RAB11FIP3: variants seen among roughly 807,000 people sequenced by gnomAD.
RAB11FIP3 encodes RAB11 family interacting protein 3, also known as rab11 family-interacting protein 3.
Under a neutral mutation model 77.8 loss-of-function variants are expected in RAB11FIP3, and 17 were observed. That is an observed-to-expected ratio of 0.22 (90% confidence interval 0.15 to 0.33). RAB11FIP3 has a LOEUF of 0.33. RAB11FIP3 is among the 10% of genes least tolerant of loss of function. RAB11FIP3 has a pLI of 1.00. For missense variants in RAB11FIP3, 1,005 were observed against 1,011.2 expected, an observed-to-expected ratio of 0.99 and a Z score of 0.08; for synonymous variants, 437 against 448.2, an observed-to-expected ratio of 0.98 and a Z score of 0.31.
intron 12 of RAB11FIP3, 21 bp from the exon 13 acceptor site, chr16:520,438 G>C: frequency 6.2e-7 from 1 of 1,612,740 alleles, no homozygotes; most frequent in Non-Finnish European, 8.5e-7. Context: ...CAGCCCAGTA[G>C]TGATGTTGCT....
intron 1 of RAB11FIP3, among the ~76,000 whole-genome samples, chr16:441,356 C>T (rs112066361): frequency 8.5e-5 from 13 of 152,176 alleles, no homozygotes; most frequent in African/African-American, 3.1e-4. Context: ...TAAACAAACC[C>T]ATGCTCTAGG....
chr16:494,785 C>T (rs906510677), intron 5 of RAB11FIP3, among the ~76,000 whole-genome samples: 12 of 152,300 alleles, frequency 7.9e-5, no homozygotes, highest in African/African-American at 2.6e-4. Flanking sequence ...TCACATGAGC[C>T]GGGGAGGTCG....
chr16:490,378 G>T (rs976211144), intron 5 of RAB11FIP3, among the ~76,000 whole-genome samples: 1 of 152,196 alleles, frequency 6.6e-6, no homozygotes, highest in African/African-American at 2.4e-5. Flanking sequence ...CTTTTTGGGG[G>T]TTTTTTGAGA....
chr16:493,847 C>T (rs1450802545), intron 5 of RAB11FIP3, among the ~76,000 whole-genome samples: 1 of 147,320 alleles, frequency 6.8e-6, no homozygotes, highest in Non-Finnish European at 1.5e-5. Context: ...CCGCCTTGAC[C>T]CCCCAAAGTG....
At position 514,159 on chromosome 16, in the gene RAB11FIP3, C is replaced by T. The variant is rs1007118108; in HGVS notation, c.1640+3359C>T. Among the ~76,000 whole-genome samples, 1 of 152,128 alleles carries T rather than the reference C, an allele frequency of 6.6e-6. No individual in the cohort carries two copies. Among genetic ancestry groups the T allele is most frequent in the Non-Finnish European group, 1.5e-5 (1 of 68,032 alleles). On this transcript the variant is annotated intron_variant, in intron 9 of 13. Transcript: ENST00000262305. This position sits in a 1 kb window ranked among gnomAD's most constrained non-coding sequence, Gnocchi z 4.6. ...CGCTTGGGGTCAGTGCCACCGTGTTCTGGGCCTCCTGCAGCTTCCTGGAGT... is the reference window on the plus strand; with the variant it reads ...CGCTTGGGGTCAGTGCCACCGTGTTTTGGGCCTCCTGCAGCTTCCTGGAGT...
At chr16:428,644 G>A (rs763449802) in intron 1 of RAB11FIP3, among the ~76,000 whole-genome samples, 2 of 152,130 alleles carry the variant, frequency 1.3e-5, no homozygotes, top group Non-Finnish European at 2.9e-5. Flanking sequence ...CTCTCCCAAG[G>A]TCTCACAGGA....
At chr16:496,402 C>T (rs532248719) in intron 5 of RAB11FIP3, among the ~76,000 whole-genome samples, 70 of 152,362 alleles carry the variant, frequency 4.6e-4, no homozygotes, top group African/African-American at 1.6e-3. Context: ...GCATCAGTGC[C>T]TGAGTCGAAG....
intron 2 of RAB11FIP3, among the ~76,000 whole-genome samples, chr16:463,733 C>T (rs560180543): frequency 1.4e-3 from 212 of 152,254 alleles, no homozygotes; most frequent in Non-Finnish European, 2.4e-3. Flanking sequence ...CCACTGCGCC[C>T]GGCCTGTTCC....
Position 426,767 on chromosome 16 carries a change from C to T in RAB11FIP3, c.714+47C>T. 7.0e-7 allele frequency: 1 copy of T among 1,430,034 alleles called. No individual in the cohort carries two copies. Among genetic ancestry groups the T allele is most frequent in the Non-Finnish European group, 9.2e-7 (1 of 1,081,422 alleles). The allele number at this position is 1,430,034 out of a possible 1,614,324, so 88.6% of individuals were successfully genotyped here. On this transcript the variant is annotated intron_variant, in intron 1 of 13. Transcript: ENST00000262305. This position sits in a 1 kb window ranked among gnomAD's most constrained non-coding sequence, Gnocchi z 5.0. Reference sequence around the variant, plus strand: ...GGCGTGGGAACTGGGCAGGTGCGCGCTGGCCGGCGGGGTTGATGTGGGACC... The same window carrying T: ...GGCGTGGGAACTGGGCAGGTGCGCGTTGGCCGGCGGGGTTGATGTGGGACC...
intron 5 of RAB11FIP3, among the ~76,000 whole-genome samples, chr16:492,360 T>TCCC: frequency 3.9e-5 from 1 of 25,628 alleles, no homozygotes; most frequent in East Asian, 9.5e-4. Flanking sequence ...TTGAAGAGGG[T>TCCC]CTTCCCGGGA....
chr16:446,730 C>G (rs1390047500), intron 1 of RAB11FIP3, among the ~76,000 whole-genome samples: 1 of 152,060 alleles, frequency 6.6e-6, no homozygotes, highest in African/African-American at 2.4e-5. Flanking sequence ...CACTCTCGCT[C>G]TGTCGCCCAG....
chr16:441,508 A>C (rs1230290211), intron 1 of RAB11FIP3, among the ~76,000 whole-genome samples: 1 of 152,156 alleles, frequency 6.6e-6, no homozygotes, highest in Non-Finnish European at 1.5e-5. Context: ...CCAGTGATGA[A>C]AATTAATTAT....
intron 5 of RAB11FIP3, among the ~76,000 whole-genome samples, chr16:492,112 G>A (rs1035308661): frequency 3.1e-4 from 47 of 152,328 alleles, no homozygotes; most frequent in African/African-American, 1.0e-3. Flanking sequence ...GGCTTCTGCC[G>A]AGGCACATCC....
At chr16:497,231 G>C in intron 6 of RAB11FIP3, 1 of 1,289,954 alleles carries the variant, frequency 7.8e-7, no homozygotes, top group Non-Finnish European at 1.0e-6. Flanking sequence ...TCCCCAAGGT[G>C]AGTCGAAGGT....
rs151177789 is a variant in RAB11FIP3, at chr16:489,047, G to A, written c.1265+47G>A. ...ACACCCTCCTCCCTCTTCTTCCCGT[G>A]GTTAGTAGTGGGAAGTTTCCCTTTT... On this transcript the variant is annotated intron_variant, in intron 5 of 13. Coordinates refer to ENST00000262305, the MANE Select transcript of RAB11FIP3 (RefSeq NM_014700.4). 1.8e-3 allele frequency: 2,829 copies of A among 1,579,220 alleles called. 17 individuals carry two copies. The Middle Eastern group carries it at 0.028, about 16-fold the overall frequency.
chr16:460,819 C>T (rs2055592661), intron 1 of RAB11FIP3, among the ~76,000 whole-genome samples: 1 of 152,200 alleles, frequency 6.6e-6, no homozygotes, highest in Admixed American at 6.5e-5. Flanking sequence ...GGGTCCTACT[C>T]CTGTGGTTCA....
intron 4 of RAB11FIP3, 135 bp from the exon 5 acceptor site, chr16:488,716 T>G: frequency 1.2e-6 from 1 of 822,010 alleles, no homozygotes; most frequent in Non-Finnish European, 1.7e-6. Context: ...GCCCACTTTT[T>G]TTTTTTTTTT....
At chr16:493,974 G>T (rs2030858243) in intron 5 of RAB11FIP3, among the ~76,000 whole-genome samples, 1 of 137,338 alleles carries the variant, frequency 7.3e-6, no homozygotes, top group Non-Finnish European at 1.5e-5. Context: ...TGCGATCTCG[G>T]CTCACTGCAA....
In RAB11FIP3 at chr16:464,940, T is replaced by A. The variant is rs139487443; in HGVS notation, c.808+3443T>A. Among the ~76,000 whole-genome samples, 302 of 152,260 alleles carry A rather than the reference T, an allele frequency of 2.0e-3. 2 individuals are homozygous for A. The highest frequency in any genetic ancestry group is 6.8e-3 in the African/African-American group (283 of 41,542). ...CATTAATTCCAAACAGAATTTTGTG[T>A]GTAATAGAGAATGCGATCTTTATGA... On this transcript the variant is annotated intron_variant, in intron 2 of 13. Coordinates refer to ENST00000262305, the MANE Select transcript of RAB11FIP3 (RefSeq NM_014700.4).
Sources: gnomAD v4.1 joint callset for allele counts (sites outside exome capture counted in the v4.1 genomes callset) on GRCh38, gnomAD v4.1.1 for gene constraint, Gnocchi (gnomAD v3.1) non-coding constraint, MANE v1.5 for transcripts, NCBI Gene and HGNC (gene_info 2026-07-23, HGNC 2026-07-21) for gene names.